The following IHO1 variants were observed in gnomAD, a reference collection of about 807,000 sequenced individuals.
The protein encoded by IHO1 is interactor of HORMAD1 1.
Under a neutral mutation model 31.0 loss-of-function variants are expected in IHO1, and 13 were observed. That is an observed-to-expected ratio of 0.42 (90% CI 0.27 to 0.67). IHO1 has a LOEUF of 0.67. Ranked by LOEUF, IHO1 falls within the 30% of genes least tolerant of loss-of-function variation. IHO1 has a pLI of 0.24. For synonymous variants in IHO1, 221 were observed against 248.4 expected (o/e 0.89, Z 1.04); for missense variants, 599 against 687.5 (o/e 0.87, Z 1.44).
At chr3:49,242,195 G>A (rs1046598858) in intron 4 of IHO1, among the ~76,000 whole-genome samples, 2 of 152,054 alleles carry the variant, frequency 1.3e-5, no homozygotes, top group Admixed American at 6.6e-5. Flanking sequence ...TGCCCACTTC[G>A]GCCTCCCAAA....
intron 3 of IHO1, among the ~76,000 whole-genome samples, chr3:49,239,297 T>G (rs2046598343): frequency 6.6e-6 from 1 of 151,480 alleles, no homozygotes; most frequent in South Asian, 2.1e-4. Context: ...TTTTCTTTTT[T>G]TTTTTGAGAG....
chr3:49,244,842 G>A, intron 6 of IHO1, 109 bp downstream of exon 6: 1 of 921,434 alleles, frequency 1.1e-6, no homozygotes, highest in Non-Finnish European at 1.8e-6. Context: ...CAGGGTTTCA[G>A]ATGAGAGGAT....
At chr3:49,208,172 G>T (rs2046164890) in intron 1 of IHO1, among the ~76,000 whole-genome samples, 1 of 152,206 alleles carries the variant, frequency 6.6e-6, no homozygotes, top group Non-Finnish European at 1.5e-5. Flanking sequence ...TCTGCACACA[G>T]TTATTTCTTT....
chr3:49,202,357 G>A (rs2046080216), intron 1 of IHO1, among the ~76,000 whole-genome samples: 1 of 126,950 alleles, frequency 7.9e-6, no homozygotes, highest in African/African-American at 3.0e-5. Context: ...GAAGAGTCTT[G>A]CTCTGTCGCC....
At chr3:49,231,100 T>C (rs1334770381) in intron 2 of IHO1, among the ~76,000 whole-genome samples, 1 of 152,210 alleles carries the variant, frequency 6.6e-6, no homozygotes, top group Non-Finnish European at 1.5e-5. Flanking sequence ...TTCTTCCAAA[T>C]ACTAATTCAC....
intron 1 of IHO1, among the ~76,000 whole-genome samples, chr3:49,209,754 G>C (rs894108115): frequency 2.7e-5 from 4 of 150,418 alleles, no homozygotes; most frequent in Non-Finnish European, 5.9e-5. Flanking sequence ...TTGCACTGTC[G>C]CCCAGGCTGG....
chr3:49,249,058 G>A (rs1446110728), intron 6 of IHO1, among the ~76,000 whole-genome samples: 1 of 152,160 alleles, frequency 6.6e-6, no homozygotes, highest in Non-Finnish European at 1.5e-5. Context: ...TGTAATTGGT[G>A]CCTTCACAGA....
rs1215070405 is a variant in IHO1 at position 49,241,290 on chromosome 3, A to T, written c.296A>T (p.Asp99Val). ...CAGCTGTTCGGAGGAGATATAAAAG[A>T]TGGAGGTTTATTTCCTCCTCCTTTG... ...KPQLFGGDIKDGGLFPPPLSV... is the reference protein window; with the variant it reads ...KPQLFGGDIKVGGLFPPPLSV... Residue 99 changes from aspartate to valine, a missense_variant, in exon 4 of 8, where the codon GAT (aspartate) becomes GTT (valine). Physicochemically the swap from Asp to Val is radical, Grantham distance 152 (BLOSUM62 -3). Transcript: ENST00000452691. 6.2e-7 allele frequency: 1 copy of T among 1,613,802 alleles called. No individual in the cohort carries two copies. The highest frequency in any genetic ancestry group is 1.7e-5 in the Admixed American group (1 of 59,990).
At chr3:49,238,273 TA>T (rs945332594) in intron 3 of IHO1, among the ~76,000 whole-genome samples, 1 of 151,940 alleles carries the variant, frequency 6.6e-6, no homozygotes, top group Non-Finnish European at 1.5e-5. Context: ...CACCTATAAC[TA>T]AATGTAGTTT....
At chr3:49,249,768 C>A (rs1413129294) in intron 6 of IHO1, among the ~76,000 whole-genome samples, 1 of 152,202 alleles carries the variant, frequency 6.6e-6, no homozygotes, top group Non-Finnish European at 1.5e-5. Flanking sequence ...CCAGTGAAAA[C>A]TGGGAAGAGT....
intron 1 of IHO1, among the ~76,000 whole-genome samples, chr3:49,202,686 A>T (rs2046084687): frequency 1.4e-5 from 2 of 145,972 alleles, no homozygotes; most frequent in Admixed American, 6.9e-5. Flanking sequence ...AATTATTTTT[A>T]TTTTTTTCAG....
At chr3:49,246,356 C>G (rs995660937) in intron 6 of IHO1, among the ~76,000 whole-genome samples, 6 of 150,480 alleles carry the variant, frequency 4.0e-5, no homozygotes, top group African/African-American at 1.5e-4. Flanking sequence ...ACATTTAAAA[C>G]TGGGTGGGCC....
chr3:49,218,004 T>C (rs1160505005), intron 2 of IHO1, among the ~76,000 whole-genome samples: 1 of 152,218 alleles, frequency 6.6e-6, no homozygotes, highest in Non-Finnish European at 1.5e-5. Context: ...TGGGGGTCTG[T>C]AGGCAGATGA....
At chr3:49,239,291 CT>C (rs71077777) in intron 3 of IHO1, among the ~76,000 whole-genome samples, 108,200 of 147,994 alleles carry the variant, frequency 0.73, 39,873 homozygotes, top group East Asian at 0.99. Flanking sequence ...TAATTTTTTT[CT>C]TTTTTTTTTT....
intron 7 of IHO1, among the ~76,000 whole-genome samples, chr3:49,255,829 G>C (rs1228995532): frequency 2.0e-5 from 3 of 152,064 alleles, no homozygotes; most frequent in Admixed American, 6.6e-5. Flanking sequence ...GGGGATTACA[G>C]GTGTGAGTCA....
At chr3:49,205,027 C>CAA (rs1001881046) in intron 1 of IHO1, among the ~76,000 whole-genome samples, 1 of 134,942 alleles carries the variant, frequency 7.4e-6, no homozygotes, top group Non-Finnish European at 1.6e-5. Flanking sequence ...GACTCCATCT[C>CAA]AAAAAAAAAA....
intron 6 of IHO1, chr3:49,252,023 G>A (rs548724322): frequency 2.6e-5 from 4 of 152,460 alleles, no homozygotes; most frequent in South Asian, 4.1e-4. Context: ...TAGAGGCCGG[G>A]TTTCTCCATG....
intron 2 of IHO1, among the ~76,000 whole-genome samples, chr3:49,220,000 G>A (rs933690122): frequency 3.3e-5 from 5 of 152,184 alleles, no homozygotes; most frequent in African/African-American, 1.2e-4. Context: ...AGAGTGGCCT[G>A]AGCCTCCAGA....
intron 4 of IHO1, among the ~76,000 whole-genome samples, chr3:49,242,460 A>G (rs568101036): frequency 6.6e-6 from 1 of 152,294 alleles, no homozygotes; most frequent in African/African-American, 2.4e-5. Context: ...TCTTGTCAAT[A>G]TGATTTGTGG....
Sources: allele counts gnomAD v4.1 joint callset (sites outside exome capture counted in the v4.1 genomes callset), GRCh38; gene constraint gnomAD v4.1.1; transcripts MANE v1.5; gene names NCBI Gene and HGNC (gene_info 2026-07-23, HGNC 2026-07-21).